Variants in ADGRB1 observed in about 807,000 individuals in gnomAD.
ADGRB1 encodes brain-specific angiogenesis inhibitor 1.
Under a neutral mutation model 175.7 loss-of-function variants are expected in ADGRB1, and 36 were observed. The observed-to-expected ratio is 0.20, with a 90% CI of 0.16 to 0.27. The LOEUF (loss-of-function observed/expected upper bound fraction) is 0.27. Among genes scored for constraint, ADGRB1 ranks in the 10% least tolerant of loss-of-function variants. The probability of loss-of-function intolerance (pLI) is 1.00; values close to 1 mark genes in which losing one functional copy is unlikely to be tolerated. For synonymous variants in ADGRB1, 1,054 were observed against 979.4 expected, an observed-to-expected ratio of 1.08 and a Z score of -1.42; for missense variants, 1,731 against 2,255.3, an observed-to-expected ratio of 0.77 and a Z score of 4.71.
chr8:142,530,453 G>A (rs957636058), intron 24 of ADGRB1, among the ~76,000 whole-genome samples: 1 of 152,174 alleles, frequency 6.6e-6, no homozygotes, highest in Non-Finnish European at 1.5e-5. Context: ...AACCCAAGGT[G>A]AGGGTGGTGC....
chr8:142,507,009 G>A (rs2132015621), intron 17 of ADGRB1, among the ~76,000 whole-genome samples: 1 of 152,326 alleles, frequency 6.6e-6, no homozygotes, highest in Admixed American at 6.5e-5. Context: ...GCCCTGGGTG[G>A]GAGGGGGCAG....
intron 24 of ADGRB1, among the ~76,000 whole-genome samples, chr8:142,531,442 C>G (rs1395911518): frequency 6.6e-6 from 1 of 152,190 alleles, no homozygotes; most frequent in Non-Finnish European, 1.5e-5. Context: ...CGCCTGAGTT[C>G]CCAGGCGTGG....
At chr8:142,531,804 G>A (rs1844637069) in intron 24 of ADGRB1, among the ~76,000 whole-genome samples, 1 of 152,200 alleles carries the variant, frequency 6.6e-6, no homozygotes, top group Non-Finnish European at 1.5e-5. Flanking sequence ...GGGGTAGAGG[G>A]CCGGATGGAG....
chr8:142,541,449 G>T lies in ADGRB1; in HGVS notation c.3707-492G>T, dbSNP rs76282192. 1.9e-4 allele frequency among the ~76,000 whole-genome samples: 29 copies of T among 152,292 alleles called. No individual in the cohort carries two copies. In the East Asian group the frequency reaches 5.6e-3, roughly 29 times the overall value. ...GGGGCAGCGATGCAGGAAGGGCCGT[G>T]ACAGAGGGCCAGGGCCTCGTGGCTG... On this transcript the variant is annotated intron_variant, in intron 27 of 30. Coordinates refer to ENST00000517894, the MANE Select transcript of ADGRB1 (RefSeq NM_001702.3).
rs545849092 is a variant in ADGRB1, at chr8:142,544,541, G to T, written c.*124G>T. 1.7e-6 allele frequency: 2 copies of T among 1,175,154 alleles called. No individual in the cohort carries two copies. The highest frequency in any genetic ancestry group is 2.2e-6 in the Non-Finnish European group (2 of 897,612). 72.8% of individuals were successfully genotyped at this position (1,175,154 alleles called of 1,614,324 possible). A position where few individuals can be genotyped will look rare whatever the true frequency, so the allele number is the denominator to read the frequency against. ...CAGGCCCGCACCCCGGCCTCAGGGC[G>T]CTCAGACGGCGGCCAGGCACAGGGC... On this transcript the variant is annotated 3_prime_UTR_variant, in exon 31 of 31. Transcript: ENST00000517894.
intron 2 of ADGRB1, among the ~76,000 whole-genome samples, chr8:142,470,104 ACT>A (rs1399172161): frequency 2.0e-5 from 3 of 151,826 alleles, no homozygotes; most frequent in African/African-American, 7.3e-5. Flanking sequence ...CACGCGTCAG[ACT>A]CTGCAAACAC....
At position 142,492,361 on chromosome 8, in the gene ADGRB1, G is replaced by A. The variant is rs894058359; in HGVS notation, c.2675+1546G>A. Reference sequence around the variant, plus strand: ...TCCTCTCCCCAGTGAGGAGGGATGGGGAACAGGGACAGACGGAGCAGTGTG... The same window carrying A: ...TCCTCTCCCCAGTGAGGAGGGATGGAGAACAGGGACAGACGGAGCAGTGTG... On this transcript the variant is annotated intron_variant, in intron 17 of 30. Transcript: ENST00000517894. This position sits in a 1 kb window ranked among gnomAD's most constrained non-coding sequence, Gnocchi z 4.4. Among the ~76,000 whole-genome samples, 4 of 152,140 alleles carry A rather than the reference G, an allele frequency of 2.6e-5. No individual in the cohort carries two copies. Among genetic ancestry groups the A allele is most frequent in the African/African-American group, 9.7e-5 (4 of 41,434 alleles).
intron 25 of ADGRB1, among the ~76,000 whole-genome samples, chr8:142,536,216 C>T (rs1057425134): frequency 1.5e-5 from 2 of 136,598 alleles, no homozygotes. Context: ...ATGCCCCCCA[C>T]CACCCCCAAG....
rs1319646512 is a variant in ADGRB1, at chr8:142,511,604, C to G, written c.2817+531C>G. On this transcript the variant is annotated intron_variant, in intron 18 of 30. Transcript: ENST00000517894. This position sits in a 1 kb window ranked among gnomAD's most constrained non-coding sequence, Gnocchi z 4.5. ...GGCCCAGATCCACCGCCCCCCAGGC[C>G]TCAGCACCTCGGGGCTTCCTTTTTG... Among the ~76,000 whole-genome samples, 1 of 152,226 alleles carries G rather than the reference C, an allele frequency of 6.6e-6. No individual in the cohort carries two copies. Among genetic ancestry groups the G allele is most frequent in the Non-Finnish European group, 1.5e-5 (1 of 68,026 alleles).
At chr8:142,479,923 G>T in intron 9 of ADGRB1, 129 bp downstream of exon 9, 2 of 1,055,090 alleles carry the variant, frequency 1.9e-6, no homozygotes, top group Non-Finnish European at 2.7e-6. Flanking sequence ...GTGTGCTGGC[G>T]CGGGGTGGTG....
Position 142,455,913 on chromosome 8 carries a change from G to A in ADGRB1, c.-220+5809G>A, listed in dbSNP as rs1374572477. 6.6e-6 allele frequency among the ~76,000 whole-genome samples: 1 copy of A among 152,160 alleles called. No homozygotes were observed. The highest frequency in any genetic ancestry group is 1.5e-5 in the Non-Finnish European group (1 of 68,028). On this transcript the variant is annotated intron_variant, in intron 1 of 30. Coordinates refer to ENST00000517894, the MANE Select transcript of ADGRB1 (RefSeq NM_001702.3). This position sits in a 1 kb window ranked among gnomAD's most constrained non-coding sequence, Gnocchi z 4.9. ...GTTGGCATCTCTGTGACAGGAGGGTGGGTGGCCCTACCTGCCTGTCCCGGA... is the reference window on the plus strand; with the variant it reads ...GTTGGCATCTCTGTGACAGGAGGGTAGGTGGCCCTACCTGCCTGTCCCGGA...
chr8:142,507,303 C>T (rs527938431), intron 17 of ADGRB1, among the ~76,000 whole-genome samples: 11 of 152,268 alleles, frequency 7.2e-5, no homozygotes, highest in African/African-American at 2.4e-4. Flanking sequence ...GCCAGGAGGA[C>T]GGAGGAGGTA....
chr8:142,520,412 TGA>T (rs1843741913), intron 19 of ADGRB1, among the ~76,000 whole-genome samples: 2 of 30,644 alleles, frequency 6.5e-5, no homozygotes, highest in African/African-American at 2.0e-4. Context: ...TTGGTAATGG[TGA>T]TAGTGGTAAT....
intron 11 of ADGRB1, among the ~76,000 whole-genome samples, chr8:142,482,141 G>C (rs1249456204): frequency 6.7e-6 from 1 of 148,730 alleles, no homozygotes; most frequent in Non-Finnish European, 1.5e-5. Context: ...GTCACAAACT[G>C]AGCCCTGATC....
chr8:142,511,080 C>G lies in ADGRB1; in HGVS notation c.2817+7C>G. 8.9e-7 allele frequency: 1 copy of G among 1,127,552 alleles called. No homozygotes were observed. The highest frequency in any genetic ancestry group is 3.3e-5 in the South Asian group (1 of 30,396). 69.8% of individuals were successfully genotyped at this position (1,127,552 alleles called of 1,614,324 possible). ...CCAGCTCAGCGCCGACGCGGTGAGACCCCGGCCGGGCCGGCGGGAGGGGCG... is the reference window on the plus strand; with the variant it reads ...CCAGCTCAGCGCCGACGCGGTGAGAGCCCGGCCGGGCCGGCGGGAGGGGCG... On this transcript the variant is annotated splice_region_variant and intron_variant, in intron 18 of 30. Transcript: ENST00000517894. The surrounding 1 kb of genome is among the most constrained non-coding windows in gnomAD (Gnocchi z 4.5).
intron 1 of ADGRB1, among the ~76,000 whole-genome samples, chr8:142,458,481 GC>G (rs1391075097): frequency 6.6e-6 from 1 of 152,128 alleles, no homozygotes. Flanking sequence ...ATCATCTCAG[GC>G]CCGTTGCTGG....
intron 17 of ADGRB1, among the ~76,000 whole-genome samples, chr8:142,507,512 G>T (rs556155216): frequency 6.6e-6 from 1 of 152,192 alleles, no homozygotes; most frequent in Non-Finnish European, 1.5e-5. Context: ...GCAGCAGCCC[G>T]TCTCTCTCCC....
At chr8:142,485,905 G>T (rs1297014179) in intron 13 of ADGRB1, among the ~76,000 whole-genome samples, 1 of 152,192 alleles carries the variant, frequency 6.6e-6, no homozygotes, top group African/African-American at 2.4e-5. Flanking sequence ...CCCTCCTGCT[G>T]CAGCACAGCA....
chr8:142,469,156 CATGT>C (rs1377505006), intron 2 of ADGRB1, among the ~76,000 whole-genome samples: 1 of 7,586 alleles, frequency 1.3e-4, no homozygotes, highest in Non-Finnish European at 3.3e-4. Context: ...TGCATGCGTG[CATGT>C]GTGTGTGTGT....
Sources: allele counts gnomAD v4.1 joint callset (sites outside exome capture counted in the v4.1 genomes callset), GRCh38; gene constraint gnomAD v4.1.1; non-coding constraint Gnocchi (gnomAD v3.1); transcripts MANE v1.5; gene names NCBI Gene and HGNC (gene_info 2026-07-23, HGNC 2026-07-21).